Variants in KCNMB4 observed in about 807,000 individuals in gnomAD.
KCNMB4 encodes calcium-activated potassium channel subunit beta-4.
In KCNMB4, 3 loss-of-function variants were observed where a neutral mutation model predicts 20.7. The ratio of observed to expected loss-of-function variants is 0.14; its 90% CI spans 0.07 to 0.37. The LOEUF (loss-of-function observed/expected upper bound fraction) is 0.37. Among genes scored for constraint, KCNMB4 ranks in the 10% least tolerant of loss-of-function variants. The pLI, the probability that KCNMB4 is intolerant of heterozygous loss-of-function variation, is 1.00. For missense variants in KCNMB4, 168 were observed against 265.9 expected (o/e 0.63, Z 2.56); for synonymous variants, 110 against 113.4 (o/e 0.97, Z 0.19).
chr12:70,387,398 ATTTT>A (rs200125786), intron 1 of KCNMB4, among the ~76,000 whole-genome samples: 5 of 123,998 alleles, frequency 4.0e-5, no homozygotes, highest in Admixed American at 8.4e-5. Context: ...AAATTTTTTA[ATTTT>A]TTTTTTTTTT....
intron 1 of KCNMB4, among the ~76,000 whole-genome samples, chr12:70,387,708 T>A (rs529666801): frequency 3.4e-4 from 52 of 152,174 alleles, no homozygotes; most frequent in African/African-American, 1.3e-3. Flanking sequence ...AGTAGGTATA[T>A]ATATTTAAGA....
chr12:70,371,147 A>G (rs1443552703), intron 1 of KCNMB4, among the ~76,000 whole-genome samples: 3 of 151,930 alleles, frequency 2.0e-5, no homozygotes, highest in African/African-American at 7.3e-5. Flanking sequence ...GTGAGCCAAC[A>G]CGCCCGGTCT....
chr12:70,379,558 A>T (rs1883747738), intron 1 of KCNMB4, among the ~76,000 whole-genome samples: 2 of 152,196 alleles, frequency 1.3e-5, no homozygotes, highest in African/African-American at 4.8e-5. Flanking sequence ...CTAGGACTAC[A>T]GGTGCACTCT....
Position 70,366,739 on chromosome 12 carries a change from C to T in KCNMB4, c.5C>T (p.Ala2Val), listed in dbSNP as rs1428037772. The change falls in exon 1 of 3, where the codon GCG (alanine) becomes GTG (valine). Residue 2 changes from alanine to valine, a missense_variant. Transcript: ENST00000258111. ...AGCCGCCGAGAGTGGGGGGCGATGGCGAAGCTCCGGGTGGCTTACGAGTAC... is the reference window on the plus strand; with the variant it reads ...AGCCGCCGAGAGTGGGGGGCGATGGTGAAGCTCCGGGTGGCTTACGAGTAC... MAKLRVAYEYTE... is the reference protein window; with the variant it reads MVKLRVAYEYTE... 6.3e-7 allele frequency: 1 copy of T among 1,578,514 alleles called. No homozygotes were observed. Among genetic ancestry groups the T allele is most frequent in the South Asian group, 1.1e-5 (1 of 88,348 alleles).
At chr12:70,396,455 G>A (rs555506769) in intron 1 of KCNMB4, among the ~76,000 whole-genome samples, 1 of 152,224 alleles carries the variant, frequency 6.6e-6, no homozygotes, top group African/African-American at 2.4e-5. Context: ...ATGGGTGTGT[G>A]CCACCACGCC....
chr12:70,386,493 T>G (rs1868258088), intron 1 of KCNMB4, among the ~76,000 whole-genome samples: 1 of 151,940 alleles, frequency 6.6e-6, no homozygotes, highest in Admixed American at 6.6e-5. Flanking sequence ...GATGGTCAGT[T>G]TGCAGAAAAG....
At chr12:70,423,735 A>G (rs1216240348) in intron 2 of KCNMB4, among the ~76,000 whole-genome samples, 1 of 152,058 alleles carries the variant, frequency 6.6e-6, no homozygotes, top group African/African-American at 2.4e-5. Flanking sequence ...TCGACCTCCC[A>G]AAGTGCTGGG....
In KCNMB4 at chr12:70,422,651, G is replaced by A. The variant is rs559678606; in HGVS notation, c.465-7834G>A. 33 of 1,254,676 alleles carry A rather than the reference G, an allele frequency of 2.6e-5. No individual in the cohort carries two copies. The Admixed American group carries it at 4.3e-4, about 16-fold the overall frequency. The allele number at this position is 1,254,676 out of a possible 1,614,324, so 77.7% of individuals were successfully genotyped here. On this transcript the variant is annotated intron_variant, in intron 2 of 2. Coordinates refer to ENST00000258111, the MANE Select transcript of KCNMB4 (RefSeq NM_014505.6). ...GCTGACTTTAGAATAAAATTCATTC[G>A]TTGATTTGCCTTTTTAAAAAAGACA...
intron 2 of KCNMB4, among the ~76,000 whole-genome samples, chr12:70,401,208 T>G (rs1406935888): frequency 6.6e-6 from 1 of 152,152 alleles, no homozygotes; most frequent in Non-Finnish European, 1.5e-5. Context: ...GTATTTTTAG[T>G]AGAGACAGGG....
rs1307590426 is a variant in KCNMB4 at position 70,433,586 on chromosome 12, A to T, written c.*2933A>T. On this transcript the variant is annotated 3_prime_UTR_variant, in exon 3 of 3. Coordinates refer to ENST00000258111, the MANE Select transcript of KCNMB4 (RefSeq NM_014505.6). The stretch of plus-strand genomic sequence containing the variant: ...GGGACGTGTCTCTAACTAGATGGAC[A>T]TGTGCCCTACTAAAACTCCAGGGAA... The T allele has an allele frequency of 6.6e-6, 1 of 152,282 alleles. No individual in the cohort carries two copies. The allele number at this position is 152,282 out of a possible 1,614,324, so 9.4% of individuals were successfully genotyped here.
At chr12:70,391,826 C>A (rs1868301912) in intron 1 of KCNMB4, among the ~76,000 whole-genome samples, 1 of 152,198 alleles carries the variant, frequency 6.6e-6, no homozygotes, top group Admixed American at 6.5e-5. Flanking sequence ...CACACTGAAT[C>A]ATTGCTGTAA....
At chr12:70,397,087 A>G (rs772689304) in intron 1 of KCNMB4, among the ~76,000 whole-genome samples, 2 of 152,146 alleles carry the variant, frequency 1.3e-5, no homozygotes, top group Non-Finnish European at 2.9e-5. Context: ...ACCAGGTGTG[A>G]TGGCTCACAC....
chr12:70,421,047 G>A (rs1366072798), intron 2 of KCNMB4, among the ~76,000 whole-genome samples: 100 of 103,122 alleles, frequency 9.7e-4, no homozygotes, highest in African/African-American at 3.8e-3. Context: ...GCGAGACTCC[G>A]TCTCAAAAAA....
At chr12:70,374,551 T>G (rs1246084521) in intron 1 of KCNMB4, among the ~76,000 whole-genome samples, 1 of 152,222 alleles carries the variant, frequency 6.6e-6, no homozygotes, top group Non-Finnish European at 1.5e-5. Flanking sequence ...AGTTGTAATA[T>G]CCTCTTCTAT....
At chr12:70,383,338 C>A (rs1883828038) in intron 1 of KCNMB4, among the ~76,000 whole-genome samples, 1 of 152,118 alleles carries the variant, frequency 6.6e-6, no homozygotes, top group African/African-American at 2.4e-5. Flanking sequence ...TGTTGAGATA[C>A]CTTTTCTGCC....
At chr12:70,384,670 AG>A (rs1203041897) in intron 1 of KCNMB4, among the ~76,000 whole-genome samples, 1 of 152,170 alleles carries the variant, frequency 6.6e-6, no homozygotes, top group Non-Finnish European at 1.5e-5. Flanking sequence ...AGATAATTTG[AG>A]GAGAGGAGTT....
At chr12:70,387,773 G>A (rs140065006) in intron 1 of KCNMB4, among the ~76,000 whole-genome samples, 103 of 152,226 alleles carry the variant, frequency 6.8e-4, no homozygotes, top group African/African-American at 2.3e-3. Context: ...GCACATCATG[G>A]AGAATGGGGA....
At chr12:70,376,156 A>G (rs1883682460) in intron 1 of KCNMB4, among the ~76,000 whole-genome samples, 1 of 151,538 alleles carries the variant, frequency 6.6e-6, no homozygotes, top group African/African-American at 2.4e-5. Context: ...CATGATAAAA[A>G]AAAAAAAAAC....
intron 1 of KCNMB4, among the ~76,000 whole-genome samples, chr12:70,372,516 A>G (rs1171822364): frequency 6.6e-6 from 1 of 152,178 alleles, no homozygotes; most frequent in Admixed American, 6.5e-5. Context: ...AAATTTACTA[A>G]TGAATTGGAT....
Sources: allele counts gnomAD v4.1 joint callset (sites outside exome capture counted in the v4.1 genomes callset), GRCh38; gene constraint gnomAD v4.1.1; transcripts MANE v1.5; gene names NCBI Gene and HGNC (gene_info 2026-07-23, HGNC 2026-07-21).